The following IQSEC1 variants were observed in gnomAD, a reference collection of about 807,000 sequenced individuals.
IQSEC1 encodes IQ motif and Sec7 domain ArfGEF 1.
IQSEC1 carries 31 observed loss-of-function variants against 91.0 expected under a neutral mutation model. The ratio of observed to expected loss-of-function variants is 0.34; its 90% CI spans 0.26 to 0.46. The LOEUF (loss-of-function observed/expected upper bound fraction) is 0.46. Among genes scored for constraint, IQSEC1 ranks in the 20% least tolerant of loss-of-function variants. The pLI, the probability that IQSEC1 is intolerant of heterozygous loss-of-function variation, is 1.00. For synonymous variants in IQSEC1, 699 were observed against 662.6 expected (o/e 1.05, Z -0.84); for missense variants, 1,388 against 1,575.6 (o/e 0.88, Z 2.02).
In IQSEC1 at chr3:13,236,954, G is replaced by A. The variant is rs571262632; in HGVS notation, c.272+45757C>T. The stretch of plus-strand genomic sequence containing the variant: ...TCTGCTTGTCTGAGGCCGAGGGCCC[G>A]GCCCGGGCGCACTGGGTGGCCCCAC... On this transcript the variant is annotated intron_variant, in intron 1 of 15. Coordinates refer to the IQSEC1 transcript ENST00000648114. Among the ~76,000 whole-genome samples the A allele has an allele frequency of 7.9e-5, 12 of 152,304 alleles. No individual in the cohort carries two copies. In the South Asian group the frequency reaches 1.0e-3, roughly 13 times the overall value.
Position 12,900,201 on chromosome 3 carries a change from A to C in IQSEC1, c.*782T>G. ...CAAAGCAATACTGGACTTTTTAAAC[A>C]GTTAGATGCTATGTTACTTGGCACA... On this transcript the variant is annotated 3_prime_UTR_variant, in exon 14 of 14. Transcript: ENST00000613206. 1 of 978,968 alleles carries C rather than the reference A, an allele frequency of 1.0e-6. No individual in the cohort carries two copies. Among genetic ancestry groups the C allele is most frequent in the Non-Finnish European group, 1.2e-6 (1 of 824,528 alleles). The allele number at this position is 978,968 out of a possible 1,614,324, so 60.6% of individuals were successfully genotyped here.
chr3:13,118,386 G>T (rs1706369777), intron 2 of IQSEC1, among the ~76,000 whole-genome samples: 1 of 152,216 alleles, frequency 6.6e-6, no homozygotes, highest in Non-Finnish European at 1.5e-5. Flanking sequence ...ATTATTTACA[G>T]TTGCCAAATG....
In IQSEC1 at chr3:13,277,106, TAAAAAAAAAAA is replaced by T. The variant is rs4034193; in HGVS notation, c.272+5594_272+5604del. On this transcript the variant is annotated intron_variant, in intron 1 of 15. Coordinates refer to the IQSEC1 transcript ENST00000648114. ...AGTTAGGCAAAGCATTGCTCCTCCT[TAAAAAAAAAAA>T]AAAAAAAAAAAAAAAAAAAACAGAA... Among the ~76,000 whole-genome samples, 258 of 35,990 alleles carry T rather than the reference TAAAAAAAAAAA, an allele frequency of 7.2e-3. 1 individual carries two copies. The highest frequency in any genetic ancestry group is 9.2e-3 in the Non-Finnish European group (208 of 22,570). The allele number at this position is 35,990 out of a possible 152,430, so 23.6% of individuals were successfully genotyped here.
At chr3:13,010,939 G>C (rs2124909183) in intron 1 of IQSEC1, among the ~76,000 whole-genome samples, 1 of 152,186 alleles carries the variant, frequency 6.6e-6, no homozygotes, top group Middle Eastern at 3.4e-3. Flanking sequence ...CTCCCCACTT[G>C]AGCAGTGCCT....
At chr3:13,161,411 G>A (rs72658712) in intron 2 of IQSEC1, among the ~76,000 whole-genome samples, 1 of 152,196 alleles carries the variant, frequency 6.6e-6, no homozygotes. Flanking sequence ...CCAGGTTTGG[G>A]GACGCAGACC....
chr3:13,181,763 G>A (rs1348842257), intron 1 of IQSEC1, among the ~76,000 whole-genome samples: 1 of 152,246 alleles, frequency 6.6e-6, no homozygotes, highest in East Asian at 1.9e-4. Flanking sequence ...TATATCTGAT[G>A]AATGAATTTG....
chr3:13,082,719 G>A (rs976943798), intron 2 of IQSEC1, among the ~76,000 whole-genome samples: 5 of 152,114 alleles, frequency 3.3e-5, no homozygotes, highest in African/African-American at 1.2e-4. Context: ...TGACCATGTC[G>A]TAGCTCTGGT....
At chr3:13,128,692 C>T (rs1392423995) in intron 2 of IQSEC1, among the ~76,000 whole-genome samples, 1 of 151,942 alleles carries the variant, frequency 6.6e-6, no homozygotes, top group Non-Finnish European at 1.5e-5. Context: ...GGTGAAACCT[C>T]ATCTCTACTA....
At chr3:13,205,341 A>C (rs1354211648) in intron 1 of IQSEC1, among the ~76,000 whole-genome samples, 1 of 152,082 alleles carries the variant, frequency 6.6e-6, no homozygotes, top group Non-Finnish European at 1.5e-5. Flanking sequence ...CCAGCTCAGA[A>C]GCACCAGACA....
chr3:13,154,152 C>T (rs958381694), intron 2 of IQSEC1, among the ~76,000 whole-genome samples: 1 of 151,976 alleles, frequency 6.6e-6, no homozygotes, highest in African/African-American at 2.4e-5. Context: ...CCCCAGCCCA[C>T]TTCTTGCTTC....
At position 12,920,445 on chromosome 3, in the gene IQSEC1, T is replaced by C. The variant is rs76354202; in HGVS notation, c.2005A>G (p.Ile669Val). 3.5e-4 allele frequency: 560 copies of C among 1,614,100 alleles called. 5 individuals carry two copies. The African/African-American group carries it at 6.8e-3, about 20-fold the overall frequency. The change falls in exon 6 of 14, where the codon ATC (isoleucine) becomes GTC (valine). Residue 669 changes from isoleucine (I) to valine (V), a missense_variant. This residue lies in a region of IQSEC1 where 1,059 missense variants were observed against 1,317.8 expected (regional missense o/e 0.80). Transcript: ENST00000613206. ...GACAGCTCACCTCGGAGGTTCTTGA[T>C]GAAGTCCTCTAGCTTCATTTTCCGC... ...PERKMKLEDF[I>V]KNLRGVDDGE... is the part of the protein sequence containing the mutation.
intron 2 of IQSEC1, among the ~76,000 whole-genome samples, chr3:13,161,312 A>G (rs986901493): frequency 6.6e-6 from 1 of 151,746 alleles, no homozygotes; most frequent in Non-Finnish European, 1.5e-5. Context: ...GAAGCGGGGG[A>G]GGGCCGTGGT....
chr3:13,267,325 T>C (rs565914621), intron 1 of IQSEC1, among the ~76,000 whole-genome samples: 5 of 152,332 alleles, frequency 3.3e-5, no homozygotes, highest in African/African-American at 1.2e-4. Flanking sequence ...ATAAGCCACA[T>C]AGTTTATGGC....
intron 1 of IQSEC1, among the ~76,000 whole-genome samples, chr3:13,023,064 CAGAT>C (rs996774282): frequency 6.6e-6 from 1 of 152,186 alleles, no homozygotes; most frequent in African/African-American, 2.4e-5. Context: ...ACATGAGACA[CAGAT>C]AGAGGAAGTC....
rs989652367 is a variant in IQSEC1 at position 12,967,705 on chromosome 3, G to C, written c.24-25840C>G. 12 of 1,130,852 alleles carry C rather than the reference G, an allele frequency of 1.1e-5. No individual in the cohort carries two copies. The African/African-American group carries it at 1.2e-4, about 11-fold the overall frequency. The allele number at this position is 1,130,852 out of a possible 1,614,324, so 70.1% of individuals were successfully genotyped here. A position where few individuals can be genotyped will look rare whatever the true frequency, so the allele number is the denominator to read the frequency against. ...CGCCCGCTTGGCGCAGCGCGAGGCC[G>C]GGCCGGAGGAATGTGGCCCTGAAGT... On this transcript the variant is annotated intron_variant, in intron 1 of 13. Coordinates refer to ENST00000613206, the MANE Select transcript of IQSEC1 (RefSeq NM_001134382.3). The surrounding 1 kb of genome is among the most constrained non-coding windows in gnomAD (Gnocchi z 5.9).
intron 1 of IQSEC1, among the ~76,000 whole-genome samples, chr3:13,269,161 C>T (rs1229936453): frequency 6.6e-6 from 1 of 152,168 alleles, no homozygotes; most frequent in Non-Finnish European, 1.5e-5. Flanking sequence ...AGGCACTTGG[C>T]CACCGGCTCA....
At chr3:12,980,764 C>T (rs114828994) in intron 1 of IQSEC1, among the ~76,000 whole-genome samples, 2,790 of 152,190 alleles carry the variant, frequency 0.018, 86 homozygotes, top group African/African-American at 0.063. Flanking sequence ...TTTTGGGCCT[C>T]GTCTGGTCCT....
chr3:12,949,516 G>A (rs1446347405), intron 1 of IQSEC1, among the ~76,000 whole-genome samples: 1 of 152,238 alleles, frequency 6.6e-6, no homozygotes, highest in Non-Finnish European at 1.5e-5. Context: ...AGGCCTCATG[G>A]CTTCCCCTAT....
chr3:13,149,867 G>A (rs1244146720), intron 2 of IQSEC1, among the ~76,000 whole-genome samples: 1 of 152,182 alleles, frequency 6.6e-6, no homozygotes, highest in Non-Finnish European at 1.5e-5. Context: ...ATCACTGAGG[G>A]GTACAGTCAT....
Sources: gnomAD v4.1 joint callset for allele counts (sites outside exome capture counted in the v4.1 genomes callset) on GRCh38, gnomAD v4.1.1 for gene constraint, gnomAD v4.1.1 regional missense constraint, Gnocchi (gnomAD v3.1) non-coding constraint, MANE v1.5 for transcripts, NCBI Gene and HGNC (gene_info 2026-07-23, HGNC 2026-07-21) for gene names.